Variants in DNAJC1 observed in about 807,000 individuals in gnomAD.
DNAJC1 encodes the protein dnaJ homolog subfamily C member 1.
DNAJC1 carries 58 observed loss-of-function variants against 76.6 expected under a neutral mutation model. The observed-to-expected ratio is 0.76, with a 90% confidence interval of 0.61 to 0.94. The LOEUF is 0.94. DNAJC1 is among the 40% of genes least tolerant of loss of function. The pLI, the probability that DNAJC1 is intolerant of heterozygous loss-of-function variation, is 0.00. For synonymous variants in DNAJC1, 258 were observed against 267.9 expected, an observed-to-expected ratio of 0.96 and a Z score of 0.36; for missense variants, 689 against 677.3, an observed-to-expected ratio of 1.02 and a Z score of -0.19.
At chr10:21,825,452 C>G (rs1016771764) in intron 8 of DNAJC1, among the ~76,000 whole-genome samples, 1 of 152,180 alleles carries the variant, frequency 6.6e-6, no homozygotes. Context: ...TGGGCTCCTT[C>G]CACCTCTTGG....
At chr10:21,862,524 G>A (rs1292059330) in intron 8 of DNAJC1, among the ~76,000 whole-genome samples, 1 of 149,818 alleles carries the variant, frequency 6.7e-6, no homozygotes, top group African/African-American at 2.5e-5. Context: ...TGCCTCCCGA[G>A]TTCAAGCAAT....
chr10:21,957,521 A>C (rs1837710242), intron 1 of DNAJC1, among the ~76,000 whole-genome samples: 1 of 152,170 alleles, frequency 6.6e-6, no homozygotes, highest in South Asian at 2.1e-4. Context: ...CACTGAGTTA[A>C]TTTAGTATAA....
intron 1 of DNAJC1, among the ~76,000 whole-genome samples, chr10:21,939,000 C>T (rs796608575): frequency 1.1e-4 from 16 of 152,330 alleles, no homozygotes; most frequent in African/African-American, 3.8e-4. Context: ...AAGAGATTCT[C>T]TTGCCTCAGC....
intron 8 of DNAJC1, among the ~76,000 whole-genome samples, chr10:21,833,013 T>C (rs1483411342): frequency 1.3e-5 from 2 of 152,240 alleles, no homozygotes; most frequent in Non-Finnish European, 2.9e-5. Flanking sequence ...ACCCCACTTC[T>C]AAATCTTTCA....
At chr10:21,965,910 G>A (rs1045571381) in intron 1 of DNAJC1, among the ~76,000 whole-genome samples, 17 of 151,994 alleles carry the variant, frequency 1.1e-4, no homozygotes, top group African/African-American at 4.1e-4. Flanking sequence ...CCTCTCATGG[G>A]GTCTGGATCA....
intron 1 of DNAJC1, among the ~76,000 whole-genome samples, chr10:21,962,385 G>A (rs1837809610): frequency 6.8e-6 from 1 of 147,512 alleles, no homozygotes; most frequent in Non-Finnish European, 1.5e-5. Flanking sequence ...AATTGGAGAT[G>A]GCTCTATTTT....
intron 8 of DNAJC1, among the ~76,000 whole-genome samples, chr10:21,859,227 G>A (rs920066942): frequency 6.6e-5 from 10 of 152,110 alleles, no homozygotes; most frequent in African/African-American, 2.4e-4. Context: ...ATAGCTTAAT[G>A]CCTAACTTAC....
At chr10:21,764,746 CAAAAT>C (rs1257905962) in intron 10 of DNAJC1, among the ~76,000 whole-genome samples, 4 of 152,144 alleles carry the variant, frequency 2.6e-5, no homozygotes, top group Non-Finnish European at 5.9e-5. Context: ...TATTAAAAAA[CAAAAT>C]AAAACACATA....
chr10:21,772,326 A>T, intron 9 of DNAJC1, among the ~76,000 whole-genome samples: 1 of 135,044 alleles, frequency 7.4e-6, no homozygotes, highest in Admixed American at 8.0e-5. Context: ...TGTTTGGTAG[A>T]ATTCAGTGGT....
chr10:21,891,476 CAAAAAAA>C (rs369729722), intron 7 of DNAJC1, among the ~76,000 whole-genome samples: 203 of 38,874 alleles, frequency 5.2e-3, no homozygotes, highest in African/African-American at 0.016. Flanking sequence ...ACAAAGTAGA[CAAAAAAA>C]AAAAAAAAAA....
chr10:21,977,557 C>T (rs950490330), intron 1 of DNAJC1, among the ~76,000 whole-genome samples: 1 of 152,062 alleles, frequency 6.6e-6, no homozygotes, highest in African/African-American at 2.4e-5. Flanking sequence ...GGCTGAACAC[C>T]CTAATTCCAG....
At chr10:21,780,227 T>C (rs564932230) in intron 9 of DNAJC1, among the ~76,000 whole-genome samples, 1 of 152,084 alleles carries the variant, frequency 6.6e-6, no homozygotes, top group Non-Finnish European at 1.5e-5. Flanking sequence ...AACATTCAAA[T>C]TCAGGAAATA....
At chr10:21,873,823 A>G (rs1358238011) in intron 8 of DNAJC1, among the ~76,000 whole-genome samples, 2 of 152,260 alleles carry the variant, frequency 1.3e-5, no homozygotes, top group African/African-American at 4.8e-5. Flanking sequence ...TGAGAACATA[A>G]TATCTAAAGA....
rs376434239 is a variant in DNAJC1, at chr10:21,897,682, G to A, written c.820+6840C>T. Among the ~76,000 whole-genome samples, 24 of 152,314 alleles carry A rather than the reference G, an allele frequency of 1.6e-4. 1 individual carries two copies. In the East Asian group the frequency reaches 3.1e-3, roughly 20 times the overall value. On this transcript the variant is annotated intron_variant, in intron 7 of 11. Transcript: ENST00000376980. ...CTGCCACCAGGTGCATGGAAAAACT[G>A]TCTTCCACGAAATCGTTCCCTGGTG...
At chr10:21,950,835 GT>G (rs1427749085) in intron 1 of DNAJC1, among the ~76,000 whole-genome samples, 1 of 152,146 alleles carries the variant, frequency 6.6e-6, no homozygotes, top group Non-Finnish European at 1.5e-5. Flanking sequence ...CCAGGGCAAG[GT>G]CCTAACTCTC....
intron 9 of DNAJC1, among the ~76,000 whole-genome samples, chr10:21,777,293 G>C (rs1443020653): frequency 6.6e-6 from 1 of 152,062 alleles, no homozygotes; most frequent in Non-Finnish European, 1.5e-5. Flanking sequence ...ACACCTAATA[G>C]GATCCAAAGA....
At chr10:21,813,153 TCTCTCTCTCTCTCTCTCTCTCC>T (rs1418629901) in intron 8 of DNAJC1, among the ~76,000 whole-genome samples, 144 of 78,376 alleles carry the variant, frequency 1.8e-3, no homozygotes, top group African/African-American at 4.9e-3. Flanking sequence ...GTTACTTGTC[TCTCTCTCTCTCTCTCTCTCTCC>T]CTCTCTCTCT....
chr10:21,875,725 G>C (rs913959103), intron 8 of DNAJC1, among the ~76,000 whole-genome samples: 6 of 152,140 alleles, frequency 3.9e-5, no homozygotes, highest in Non-Finnish European at 7.4e-5. Context: ...CAGGAGTTCA[G>C]ACCAGCCTGG....
intron 3 of DNAJC1, among the ~76,000 whole-genome samples, chr10:21,928,088 G>C (rs1837158435): frequency 6.6e-6 from 1 of 152,134 alleles, no homozygotes; most frequent in South Asian, 2.1e-4. Flanking sequence ...GTACTAACTT[G>C]ACTATCACTA....
Sources: allele counts gnomAD v4.1 joint callset (sites outside exome capture counted in the v4.1 genomes callset), GRCh38; gene constraint gnomAD v4.1.1; transcripts MANE v1.5; gene names NCBI Gene and HGNC (gene_info 2026-07-23, HGNC 2026-07-21).